Variants in TBC1D5 observed in about 807,000 individuals in gnomAD.
TBC1D5 encodes TBC1 domain family, member 5.
Under a neutral mutation model 100.3 loss-of-function variants are expected in TBC1D5, and 75 were observed. The ratio of observed to expected loss-of-function variants is 0.75; its 90% CI spans 0.62 to 0.91. TBC1D5 has a LOEUF of 0.91. TBC1D5 is among the 40% of genes least tolerant of loss of function. The pLI is 0.00. For missense variants in TBC1D5, 910 were observed against 942.4 expected (o/e 0.97, Z 0.45); for synonymous variants, 323 against 325.6 (o/e 0.99, Z 0.09).
At chr3:17,355,968 T>C (rs2151786476) in intron 13 of TBC1D5, among the ~76,000 whole-genome samples, 1 of 152,294 alleles carries the variant, frequency 6.6e-6, no homozygotes, top group South Asian at 2.1e-4. Context: ...GGAATAATGG[T>C]AAATTAAAAT....
At chr3:17,227,846 A>G (rs1169368509) in intron 17 of TBC1D5, among the ~76,000 whole-genome samples, 2 of 144,356 alleles carry the variant, frequency 1.4e-5, no homozygotes, top group Non-Finnish European at 3.0e-5. Context: ...TGAACCTAAA[A>G]TAAAAGTTTT....
chr3:17,550,565 A>C (rs1576651845), intron 2 of TBC1D5, among the ~76,000 whole-genome samples: 2 of 151,928 alleles, frequency 1.3e-5, no homozygotes, highest in African/African-American at 4.8e-5. Context: ...AAAAAACACC[A>C]CAGAAGGTCT....
chr3:17,634,420 G>A (rs574566263), intron 1 of TBC1D5, among the ~76,000 whole-genome samples: 5 of 152,106 alleles, frequency 3.3e-5, no homozygotes, highest in Non-Finnish European at 7.4e-5. Flanking sequence ...CCTATCATCT[G>A]GAACAACATG....
exon 22 of TBC1D5, chr3:17,157,620 G>A (rs549011327): frequency 1.3e-5 from 2 of 152,376 alleles, no homozygotes; most frequent in South Asian, 2.1e-4. Context: ...GAATTGGTTG[G>A]AGCCGCCACA....
intron 13 of TBC1D5, among the ~76,000 whole-genome samples, chr3:17,336,605 G>C (rs1441919843): frequency 6.6e-6 from 1 of 151,746 alleles, no homozygotes; most frequent in East Asian, 1.9e-4. Flanking sequence ...TGGCACCCAC[G>C]TCAAGAAAGT....
intron 19 of TBC1D5, among the ~76,000 whole-genome samples, chr3:17,177,555 CAT>C (rs1365293513): frequency 1.3e-5 from 2 of 152,098 alleles, no homozygotes; most frequent in Admixed American, 1.3e-4. Flanking sequence ...AATATGTTAA[CAT>C]GTTTATGAAT....
chr3:17,163,006 A>G (rs988644359), intron 21 of TBC1D5, among the ~76,000 whole-genome samples: 1 of 152,234 alleles, frequency 6.6e-6, no homozygotes, highest in Non-Finnish European at 1.5e-5. Flanking sequence ...AGCAGGGCCT[A>G]GTTTTTAGAG....
intron 2 of TBC1D5, among the ~76,000 whole-genome samples, chr3:17,597,238 T>C (rs1457090208): frequency 1.3e-5 from 2 of 152,212 alleles, no homozygotes; most frequent in Non-Finnish European, 2.9e-5. Flanking sequence ...AGGCCAAAGA[T>C]AGTAAAAGTT....
chr3:17,228,884 A>G (rs780677110), intron 17 of TBC1D5, among the ~76,000 whole-genome samples: 3 of 152,140 alleles, frequency 2.0e-5, no homozygotes, highest in Non-Finnish European at 4.4e-5. Context: ...CTTCATAGGC[A>G]TCAGTGGAGA....
At chr3:17,191,808 G>T (rs1304949311) in intron 18 of TBC1D5, among the ~76,000 whole-genome samples, 2 of 151,418 alleles carry the variant, frequency 1.3e-5, no homozygotes, top group African/African-American at 4.9e-5. Flanking sequence ...ATTTTTAGTA[G>T]AGATGGGGTT....
intron 3 of TBC1D5, among the ~76,000 whole-genome samples, chr3:17,481,862 T>C (rs2150337761): frequency 6.6e-6 from 1 of 152,308 alleles, no homozygotes; most frequent in South Asian, 2.1e-4. Context: ...TGCCTCAGCC[T>C]CCCAAGTAGC....
At chr3:17,737,849 A>C (rs1447029625) in intron 1 of TBC1D5, among the ~76,000 whole-genome samples, 1 of 151,710 alleles carries the variant, frequency 6.6e-6, no homozygotes, top group African/African-American at 2.4e-5. Context: ...CCCAGTTAAC[A>C]TCTTTTCTAG....
intron 1 of TBC1D5, among the ~76,000 whole-genome samples, chr3:17,727,722 C>A (rs1473369403): frequency 2.0e-5 from 3 of 152,146 alleles, no homozygotes; most frequent in Non-Finnish European, 4.4e-5. Context: ...CAGGCCTACA[C>A]AAATAGGTGA....
At chr3:17,546,513 T>A (rs1289607915) in intron 2 of TBC1D5, among the ~76,000 whole-genome samples, 8 of 152,000 alleles carry the variant, frequency 5.3e-5, no homozygotes, top group Admixed American at 3.9e-4. Context: ...TCTGTAATGC[T>A]AGCACTTTGG....
At chr3:17,700,757 A>C (rs964334938) in intron 1 of TBC1D5, among the ~76,000 whole-genome samples, 2 of 152,218 alleles carry the variant, frequency 1.3e-5, no homozygotes, top group Non-Finnish European at 2.9e-5. Flanking sequence ...CATCAGAGAA[A>C]TGCAAAGCAA....
intron 1 of TBC1D5, among the ~76,000 whole-genome samples, chr3:17,716,671 A>T (rs1336221868): frequency 6.6e-6 from 1 of 152,206 alleles, no homozygotes; most frequent in Non-Finnish European, 1.5e-5. Context: ...AGTGTTAACA[A>T]CTATTATAGT....
intron 2 of TBC1D5, among the ~76,000 whole-genome samples, chr3:17,544,561 G>C (rs2096393804): frequency 6.7e-6 from 1 of 149,886 alleles, no homozygotes; most frequent in Non-Finnish European, 1.5e-5. Flanking sequence ...TGAGACAGGA[G>C]AATCTCTTGA....
chr3:17,715,068 T>C (rs530648583), intron 1 of TBC1D5, among the ~76,000 whole-genome samples: 43 of 152,220 alleles, frequency 2.8e-4, no homozygotes, highest in Admixed American at 9.2e-4. Flanking sequence ...AGAATATACA[T>C]TAAAATGAAT....
At chr3:17,362,875 C>T (rs2091838464) in intron 13 of TBC1D5, among the ~76,000 whole-genome samples, 1 of 152,146 alleles carries the variant, frequency 6.6e-6, no homozygotes, top group Admixed American at 6.6e-5. Flanking sequence ...CAGTTTTCCC[C>T]AATGGTAACA....
Sources: gnomAD v4.1 joint callset for allele counts (sites outside exome capture counted in the v4.1 genomes callset) on GRCh38, gnomAD v4.1.1 for gene constraint, MANE v1.5 for transcripts, NCBI Gene and HGNC (gene_info 2026-07-23, HGNC 2026-07-21) for gene names.